The following SV2B variants were observed in gnomAD, a reference collection of about 807,000 sequenced individuals.
The protein encoded by SV2B is solute carrier family 22 member B2.
In SV2B, 41 loss-of-function variants were observed where a neutral mutation model predicts 73.9. The ratio of observed to expected loss-of-function variants is 0.56; its 90% CI spans 0.43 to 0.72. SV2B has a LOEUF of 0.72. Among genes scored for constraint, SV2B ranks in the 30% least tolerant of loss-of-function variants. The pLI is 0.00. For synonymous variants in SV2B, 314 were observed against 314.2 expected (o/e 1.00, Z 0.01); for missense variants, 764 against 857.8 (o/e 0.89, Z 1.37).
chr15:91,292,800 C>T lies in SV2B; in HGVS notation c.*248C>T. On this transcript the variant is annotated 3_prime_UTR_variant, in exon 13 of 13. Transcript: ENST00000394232. ...GTGTTTAACTTCAAGTCTTCCCAGTCCAAGGCAGGGAGAGGATTCTCCAGT... is the reference window on the plus strand; with the variant it reads ...GTGTTTAACTTCAAGTCTTCCCAGTTCAAGGCAGGGAGAGGATTCTCCAGT... 2.5e-6 allele frequency: 1 copy of T among 404,636 alleles called. No individual in the cohort carries two copies. Among genetic ancestry groups the T allele is most frequent in the Non-Finnish European group, 4.4e-6 (1 of 228,544 alleles). The allele number at this position is 404,636 out of a possible 1,614,324, so 25.1% of individuals were successfully genotyped here.
At chr15:91,111,747 A>G (rs141936968) in intron 1 of SV2B, among the ~76,000 whole-genome samples, 4 of 152,176 alleles carry the variant, frequency 2.6e-5, no homozygotes, top group African/African-American at 7.2e-5. Context: ...TAATTGGCTC[A>G]TGGTTCTGCA....
At chr15:91,205,767 G>C (rs2045613426) in intron 1 of SV2B, among the ~76,000 whole-genome samples, 1 of 152,192 alleles carries the variant, frequency 6.6e-6, no homozygotes, top group African/African-American at 2.4e-5. Flanking sequence ...TTATTGCAAA[G>C]AGTCAAAAAT....
intron 1 of SV2B, among the ~76,000 whole-genome samples, chr15:91,208,661 C>G (rs542499979): frequency 9.9e-5 from 15 of 152,208 alleles, no homozygotes; most frequent in Non-Finnish European, 1.9e-4. Context: ...CCTGCCAGGT[C>G]TTCTCAAAAA....
At chr15:91,153,393 C>T (rs565616695) in intron 1 of SV2B, among the ~76,000 whole-genome samples, 9 of 152,198 alleles carry the variant, frequency 5.9e-5, no homozygotes, top group African/African-American at 1.7e-4. Context: ...TCTGGCTGCT[C>T]GGCCACAGGC....
At chr15:91,155,017 T>A (rs1178997685) in intron 1 of SV2B, among the ~76,000 whole-genome samples, 1 of 152,136 alleles carries the variant, frequency 6.6e-6, no homozygotes, top group Non-Finnish European at 1.5e-5. Context: ...TATTACTGAT[T>A]TTTTGTTATT....
chr15:91,191,535 C>G (rs560787026), intron 1 of SV2B, among the ~76,000 whole-genome samples: 1 of 152,156 alleles, frequency 6.6e-6, no homozygotes. Flanking sequence ...TAATTTTCTA[C>G]CCACTGACCC....
intron 1 of SV2B, among the ~76,000 whole-genome samples, chr15:91,175,705 A>G (rs1208971442): frequency 1.8e-5 from 1 of 55,756 alleles, no homozygotes; most frequent in Middle Eastern, 8.1e-3. Flanking sequence ...GTAAATACAT[A>G]TATATATATA....
At chr15:91,158,674 CTCTTCTCTTCTCTTCTCTT>C (rs2043582606) in intron 1 of SV2B, among the ~76,000 whole-genome samples, 27 of 71,154 alleles carry the variant, frequency 3.8e-4, no homozygotes, top group Admixed American at 3.0e-3. Context: ...CTCTTCTCTT[CTCTTCTCTTCTCTTCTCTT>C]CTCTTCTCTC....
chr15:91,271,174 AT>A (rs1311521907), intron 9 of SV2B, among the ~76,000 whole-genome samples: 2 of 94,362 alleles, frequency 2.1e-5, no homozygotes, highest in African/African-American at 1.2e-4. Context: ...TGGTTAATGA[AT>A]TTTGTGGATT....
In SV2B at chr15:91,260,391, C is replaced by A. The variant is rs770060788; in HGVS notation, c.990C>A (p.Thr330=). 4.3e-6 allele frequency: 7 copies of A among 1,612,996 alleles called. No homozygotes were observed. In the South Asian group the frequency reaches 7.7e-5, roughly 18 times the overall value. The change falls in exon 6 of 13, where the codon ACC becomes ACA. Residue 330 remains threonine, a synonymous_variant. Transcript: ENST00000394232. ...VHDTNMRAKG[T]PEKVFTVSNI... is the part of the protein sequence containing the mutation. ...ACACCAACATGAGAGCTAAGGGGAC[C>A]CCAGAGAAAGTGTTCACGGTGAGTG...
At position 91,280,263 on chromosome 15, in the gene SV2B, T is replaced by C. The variant is rs1174625059; in HGVS notation, c.1374-1465T>C. On this transcript the variant is annotated intron_variant, in intron 9 of 12. Transcript: ENST00000394232. The surrounding 1 kb of genome is among the most constrained non-coding windows in gnomAD (Gnocchi z 5.8). ...TGAAGGATAAGGGTCACTGGCCCAT[T>C]GTAGGTGGTCATGGAGTGAATTATT... 1.3e-5 allele frequency among the ~76,000 whole-genome samples: 2 copies of C among 152,160 alleles called. No individual in the cohort carries two copies. The highest frequency in any genetic ancestry group is 4.8e-5 in the African/African-American group (2 of 41,438).
intron 1 of SV2B, among the ~76,000 whole-genome samples, chr15:91,104,935 A>G (rs548497732): frequency 6.6e-6 from 1 of 152,150 alleles, no homozygotes; most frequent in African/African-American, 2.4e-5. Context: ...CCTGACTGGG[A>G]CCTGAACATT....
rs1001374368 is a variant in SV2B, at chr15:91,123,524, C to T, written c.-392+23161C>T. Among the ~76,000 whole-genome samples the T allele has an allele frequency of 4.6e-5, 7 of 152,196 alleles. No individual in the cohort carries two copies. The highest frequency in any genetic ancestry group is 4.1e-4 in the South Asian group (2 of 4,820). On this transcript the variant is annotated intron_variant, in intron 1 of 12. Coordinates refer to ENST00000394232, the MANE Select transcript of SV2B (RefSeq NM_001323032.3). The surrounding 1 kb of genome is among the most constrained non-coding windows in gnomAD (Gnocchi z 4.7). ...CCACAGAGCCTGCACTTGGGTACCC[C>T]GGGAGAACTTAGGGAGACGGGATCT... is the stretch of plus-strand genomic sequence containing the variant.
intron 2 of SV2B, among the ~76,000 whole-genome samples, chr15:91,249,218 A>G (rs973081579): frequency 3.3e-5 from 5 of 152,172 alleles, no homozygotes; most frequent in Non-Finnish European, 5.9e-5. Flanking sequence ...TTGCCCGAAC[A>G]TATCAGACTT....
rs116725080 is a variant in SV2B at position 91,285,017 on chromosome 15, T to G, written c.1708+796T>G. On this transcript the variant is annotated intron_variant, in intron 11 of 12. Transcript: ENST00000394232. ...GTGGACAACACATTATTAATAAACA[T>G]GCCATTAGGGACCTGCGTTAGGGTT... Among the ~76,000 whole-genome samples the G allele has an allele frequency of 2.1e-3, 313 of 152,272 alleles. 2 individuals carry two copies. Among genetic ancestry groups the G allele is most frequent in the African/African-American group, 7.3e-3 (303 of 41,536 alleles).
chr15:91,289,457 G>C lies in SV2B; in HGVS notation c.1709-64G>C. ...GGGTGGGAGATGGGGCAAGAACTGT[G>C]AGTGACAGCCATGTGCAAGACACAG... On this transcript the variant is annotated intron_variant, in intron 11 of 12. Transcript: ENST00000394232. The surrounding 1 kb of genome is among the most constrained non-coding windows in gnomAD (Gnocchi z 4.9). 1 of 1,606,598 alleles carries C rather than the reference G, an allele frequency of 6.2e-7. No individual in the cohort carries two copies. The highest frequency in any genetic ancestry group is 8.5e-7 in the Non-Finnish European group (1 of 1,174,130).
chr15:91,241,419 T>C lies in SV2B; in HGVS notation c.452-10400T>C, dbSNP rs1344061809. 6.6e-6 allele frequency among the ~76,000 whole-genome samples: 1 copy of C among 152,144 alleles called. No individual in the cohort carries two copies. ...ATGTTGCCCACTGGCCTCACTAAATTGATGATGCAGAGCCTCCAGAGGATC... is the reference window on the plus strand; with the variant it reads ...ATGTTGCCCACTGGCCTCACTAAATCGATGATGCAGAGCCTCCAGAGGATC... On this transcript the variant is annotated intron_variant, in intron 2 of 12. Coordinates refer to ENST00000394232, the MANE Select transcript of SV2B (RefSeq NM_001323032.3). The surrounding 1 kb of genome is among the most constrained non-coding windows in gnomAD (Gnocchi z 4.8).
intron 2 of SV2B, among the ~76,000 whole-genome samples, chr15:91,238,250 A>G (rs2046867778): frequency 1.3e-5 from 2 of 152,338 alleles, no homozygotes; most frequent in South Asian, 4.1e-4. Context: ...ATAATCTGAT[A>G]AGCTCTTTCT....
chr15:91,211,507 CTTT>C (rs1338583137), intron 1 of SV2B, among the ~76,000 whole-genome samples: 9 of 139,994 alleles, frequency 6.4e-5, no homozygotes, highest in Admixed American at 7.2e-5. Context: ...CTTCTTCTTC[CTTT>C]TTTTTTTTTT....
Sources: gnomAD v4.1 joint callset for allele counts (sites outside exome capture counted in the v4.1 genomes callset) on GRCh38, gnomAD v4.1.1 for gene constraint, Gnocchi (gnomAD v3.1) non-coding constraint, MANE v1.5 for transcripts, NCBI Gene and HGNC (gene_info 2026-07-23, HGNC 2026-07-21) for gene names.